Variants in DOCK8 observed in about 807,000 individuals in gnomAD.
DOCK8 encodes the protein dedicator of cytokinesis protein 8.
DOCK8 carries 141 observed loss-of-function variants against 245.6 expected under a neutral mutation model. The observed-to-expected ratio is 0.57, with a 90% confidence interval of 0.50 to 0.66. DOCK8 has a LOEUF of 0.66. Among genes scored for constraint, DOCK8 ranks in the 30% least tolerant of loss-of-function variants. The pLI is 0.00. For missense variants in DOCK8, 2,965 were observed against 2,603.4 expected (o/e 1.14, Z -3.02); for synonymous variants, 1,168 against 970.2 (o/e 1.20, Z -3.79).
At chr9:309,982 T>A (rs1285080209) in intron 5 of DOCK8, among the ~76,000 whole-genome samples, 1 of 152,152 alleles carries the variant, frequency 6.6e-6, no homozygotes, top group Admixed American at 6.6e-5. Flanking sequence ...GAAGAAGTCA[T>A]CGTGGCCAAG....
intron 37 of DOCK8, among the ~76,000 whole-genome samples, chr9:432,548 C>T (rs1023799322): frequency 1.3e-5 from 2 of 152,116 alleles, no homozygotes; most frequent in African/African-American, 4.8e-5. Context: ...TTGGAGTGCT[C>T]AGTCTCAAAA....
intron 4 of DOCK8, among the ~76,000 whole-genome samples, chr9:304,357 C>A (rs1382469781): frequency 6.6e-6 from 1 of 152,134 alleles, no homozygotes; most frequent in East Asian, 1.9e-4. Flanking sequence ...GCCATGCCTC[C>A]CTTTAATAAT....
intron 26 of DOCK8, among the ~76,000 whole-genome samples, chr9:404,455 A>T (rs572740605): frequency 1.3e-5 from 2 of 152,258 alleles, no homozygotes; most frequent in South Asian, 4.1e-4. Context: ...CAACTTTCCA[A>T]TGGGGCCTTT....
In DOCK8 at chr9:340,206, T is replaced by A. The variant is rs1463562841; in HGVS notation, c.1564T>A (p.Cys522Ser). The change falls in exon 14 of 48, where the codon TGT becomes AGT. Residue 522 changes from cysteine to serine, a missense_variant. This residue lies in a region of DOCK8 where 2,825 missense variants were observed against 2,453.5 expected (regional missense o/e 1.15). Transcript: ENST00000432829. ...TACAGCTCCAGAGATCATCAATTGC[T>A]GTCTGACTCCTGAAATGCTGCCCGT... is the stretch of plus-strand genomic sequence containing the variant. ...ISTAPEIINC[C>S]LTPEMLPVKP... 6 of 1,614,204 alleles carry A rather than the reference T, an allele frequency of 3.7e-6. No homozygotes were observed. The Admixed American group carries it at 1.0e-4, about 27-fold the overall frequency.
At chr9:439,414 G>C (rs761405360) in intron 40 of DOCK8, 26 bp downstream of exon 40, 1 of 1,610,070 alleles carries the variant, frequency 6.2e-7, no homozygotes, top group East Asian at 2.2e-5. Flanking sequence ...GCATCCCGGG[G>C]CCTGGCCTCC....
At chr9:250,941 A>C (rs979846696) in intron 1 of DOCK8, among the ~76,000 whole-genome samples, 2 of 152,174 alleles carry the variant, frequency 1.3e-5, no homozygotes, top group Non-Finnish European at 1.5e-5. Context: ...ACTCGAGCTC[A>C]GGGGAAGGGG....
intron 41 of DOCK8, among the ~76,000 whole-genome samples, 187 bp downstream of exon 41, chr9:441,604 A>T (rs2057098013): frequency 6.6e-6 from 1 of 152,268 alleles, no homozygotes; most frequent in South Asian, 2.1e-4. Context: ...ATGTGAAAAC[A>T]TACAGCTTAA....
chr9:290,650 C>T (rs1354125866), intron 4 of DOCK8, among the ~76,000 whole-genome samples: 2 of 152,198 alleles, frequency 1.3e-5, no homozygotes, highest in Non-Finnish European at 1.5e-5. Context: ...CATTGAAATT[C>T]TCAGCCTGCA....
intron 4 of DOCK8, among the ~76,000 whole-genome samples, chr9:299,395 G>T (rs1271940760): frequency 6.6e-6 from 1 of 152,122 alleles, no homozygotes; most frequent in East Asian, 1.9e-4. Context: ...CCAAGTAGCT[G>T]AGACTACAGG....
Position 464,339 on chromosome 9 carries a change from C to G in DOCK8, c.*120C>G. 1 of 879,052 alleles carries G rather than the reference C, an allele frequency of 1.1e-6. No individual in the cohort carries two copies. The highest frequency in any genetic ancestry group is 1.9e-6 in the Non-Finnish European group (1 of 517,588). The allele number at this position is 879,052 out of a possible 1,614,324, so 54.5% of individuals were successfully genotyped here. Reference sequence around the variant, plus strand: ...GACTGTACACTCCCTGATCAGCCAGCACTCTGGAAGCTTTGGGATCCCAGG... The same window carrying G: ...GACTGTACACTCCCTGATCAGCCAGGACTCTGGAAGCTTTGGGATCCCAGG... On this transcript the variant is annotated 3_prime_UTR_variant, in exon 48 of 48. Coordinates refer to ENST00000432829, the MANE Select transcript of DOCK8 (RefSeq NM_203447.4).
chr9:258,011 C>G (rs1287770122), intron 1 of DOCK8, among the ~76,000 whole-genome samples: 2 of 152,226 alleles, frequency 1.3e-5, no homozygotes, highest in African/African-American at 4.8e-5. Context: ...CCTGATGGTC[C>G]TTAGCTTAGT....
intron 1 of DOCK8, among the ~76,000 whole-genome samples, chr9:255,126 A>G (rs959368419): frequency 2.6e-5 from 4 of 152,176 alleles, no homozygotes; most frequent in Non-Finnish European, 5.9e-5. Flanking sequence ...AAAAAAAGAA[A>G]AAGAAAAAAA....
chr9:332,320 G>A (rs982337272), intron 9 of DOCK8, 78 bp from the exon 10 acceptor site: 8 of 980,612 alleles, frequency 8.2e-6, no homozygotes, highest in African/African-American at 3.2e-5. Context: ...GTCATAAAAT[G>A]TAATTTTGAT....
chr9:289,983 C>G (rs538226008), intron 4 of DOCK8, among the ~76,000 whole-genome samples: 1 of 152,208 alleles, frequency 6.6e-6, no homozygotes, highest in African/African-American at 2.4e-5. Flanking sequence ...CATCCTCCCT[C>G]CCTGGCAACC....
chr9:345,528 T>G (rs2051836840), intron 14 of DOCK8, among the ~76,000 whole-genome samples: 1 of 152,126 alleles, frequency 6.6e-6, no homozygotes, highest in Non-Finnish European at 1.5e-5. Context: ...AGTCACACAT[T>G]TTAGGATTTT....
At chr9:265,168 G>C (rs2048008291) in intron 1 of DOCK8, among the ~76,000 whole-genome samples, 1 of 152,168 alleles carries the variant, frequency 6.6e-6, no homozygotes. Context: ...CTGACCGCAG[G>C]TGATCCACCC....
At chr9:235,814 G>C (rs558602503) in intron 1 of DOCK8, among the ~76,000 whole-genome samples, 2 of 152,304 alleles carry the variant, frequency 1.3e-5, no homozygotes, top group East Asian at 3.9e-4. Flanking sequence ...CCCTTTCTTT[G>C]ACTAGGAAAG....
chr9:276,364 G>C (rs1034357034), intron 2 of DOCK8, among the ~76,000 whole-genome samples: 5 of 152,162 alleles, frequency 3.3e-5, no homozygotes, highest in African/African-American at 1.2e-4. Flanking sequence ...TCATAAATCT[G>C]ATAAATCAGA....
chr9:414,943 A>G lies in DOCK8; in HGVS notation c.3692A>G (p.Asp1231Gly), dbSNP rs2131602458. The G allele has an allele frequency of 3.1e-6, 5 of 1,613,538 alleles. No homozygotes were observed. The highest frequency in any genetic ancestry group is 4.2e-6 in the Non-Finnish European group (5 of 1,180,008). ...TTGGATGCTTTGCCACAGCTCTGTG[A>G]CTTTACAGGTAATGGCCCTTCTGTT... ...IILDALPQLCDFTVADTRRYR... is the reference protein window; with the variant it reads ...IILDALPQLCGFTVADTRRYR... The change falls in exon 29 of 48, where the codon GAC (aspartate) becomes GGC (glycine). Residue 1231 changes from aspartate to glycine, a missense_variant. Asp to Gly is a moderately conservative substitution (Grantham distance 94). Coordinates refer to ENST00000432829, the MANE Select transcript of DOCK8 (RefSeq NM_203447.4).
Sources: gnomAD v4.1 joint callset for allele counts (sites outside exome capture counted in the v4.1 genomes callset) on GRCh38, gnomAD v4.1.1 for gene constraint, gnomAD v4.1.1 regional missense constraint, MANE v1.5 for transcripts, NCBI Gene and HGNC (gene_info 2026-07-23, HGNC 2026-07-21) for gene names.